Variants in FUT4 observed in about 807,000 individuals in gnomAD.
The protein encoded by FUT4 is alpha-(1,3)-fucosyltransferase 4.
A neutral mutation model predicts 3.8 loss-of-function variants in FUT4; 1 was observed. The ratio of observed to expected loss-of-function variants is 0.26; its 90% CI spans 0.09 to 1.25. The LOEUF (loss-of-function observed/expected upper bound fraction) is 1.25. Among genes scored for constraint, FUT4 ranks in the 50% most tolerant of loss-of-function variants. The probability of loss-of-function intolerance (pLI) is 0.47; values close to 1 mark genes in which losing one functional copy is unlikely to be tolerated. For synonymous variants in FUT4, 417 were observed against 355.3 expected (o/e 1.17, Z -1.95); for missense variants, 880 against 768.2 (o/e 1.15, Z -1.72).
chr11:94,543,930 C>T lies in FUT4; in HGVS notation c.-204C>T. On this transcript the variant is annotated 5_prime_UTR_variant, in exon 1 of 1. Coordinates refer to ENST00000358752, the MANE Select transcript of FUT4 (RefSeq NM_002033.4). ...GCCGACGCTATCCTCCGTTCCGCGG[C>T]GCCGGGTCCGCCTTCCGTCTGTTCT... is the stretch of plus-strand genomic sequence containing the variant. The T allele has an allele frequency of 1.5e-6, 1 of 684,608 alleles. No homozygotes were observed. 42.4% of individuals were successfully genotyped at this position (684,608 alleles called of 1,614,324 possible).
rs1947905134 is a variant in FUT4, at chr11:94,549,798, C to T, written c.*4072C>T. The T allele has an allele frequency of 6.0e-6, 1 of 166,898 alleles. No homozygotes were observed. The highest frequency in any genetic ancestry group is 1.5e-5 in the Non-Finnish European group (1 of 68,106). 10.3% of individuals were successfully genotyped at this position (166,898 alleles called of 1,614,324 possible). On this transcript the variant is annotated 3_prime_UTR_variant, in exon 1 of 1. Transcript: ENST00000358752. Reference sequence around the variant, plus strand: ...TGTCAAGTCATTTTTGAATGTGTCTCAGGGATTTCTATGCTACACATTCTT... The same window carrying T: ...TGTCAAGTCATTTTTGAATGTGTCTTAGGGATTTCTATGCTACACATTCTT...
Position 94,545,305 on chromosome 11 carries a change from CG to C in FUT4, c.1176del (p.Gln393SerfsTer164), listed in dbSNP as rs751331364. 1.9e-6 allele frequency: 3 copies of C among 1,611,820 alleles called. No homozygotes were observed. The highest frequency in any genetic ancestry group is 2.2e-5 in the South Asian group (2 of 91,062). On this transcript the variant is annotated frameshift_variant, in exon 1 of 1. Transcript: ENST00000358752. LOFTEE classifies it low-confidence loss of function (END_TRUNC). The stretch of plus-strand genomic sequence containing the variant: ...GTGGACGTGTTCGGCCGGGGCGGGC[CG>C]GGGCAGCCGGTGCCCGAAATTGGGC... ...VTVDVFGRGGPGQPVPEIGLL... is the reference protein window; with the variant it reads ...VTVDVFGRGGXGQPVPEIGLL...
rs950283409 is a variant in FUT4 at position 94,549,725 on chromosome 11, T to C, written c.*3999T>C. The stretch of plus-strand genomic sequence containing the variant: ...TCAAATATCAGGGAAAGGAGCCAAG[T>C]CCTTGGTATTTAGTTTGGTGAATAC... On this transcript the variant is annotated 3_prime_UTR_variant, in exon 1 of 1. Coordinates refer to ENST00000358752, the MANE Select transcript of FUT4 (RefSeq NM_002033.4). 1.2e-5 allele frequency: 2 copies of C among 166,806 alleles called. No homozygotes were observed. The highest frequency in any genetic ancestry group is 4.8e-5 in the African/African-American group (2 of 41,436). 10.3% of individuals were successfully genotyped at this position (166,806 alleles called of 1,614,324 possible).
Position 94,544,447 on chromosome 11 carries a change from G to C in FUT4, c.314G>C (p.Arg105Pro). 3.3e-6 allele frequency: 5 copies of C among 1,510,434 alleles called. No homozygotes were observed. The highest frequency in any genetic ancestry group is 3.5e-6 in the Non-Finnish European group (4 of 1,136,638). The allele number at this position is 1,510,434 out of a possible 1,614,324, so 93.6% of individuals were successfully genotyped here. The change falls in exon 1 of 1, where the codon CGG becomes CCG. Residue 105 changes from arginine to proline, a missense_variant. Arg to Pro is a moderately radical substitution (Grantham distance 103). Coordinates refer to ENST00000358752, the MANE Select transcript of FUT4 (RefSeq NM_002033.4). ...GAGCCGCAGCTACAGCATGAGAGCC[G>C]GTGCCGCTCCTCCACGCCTGCGGAC... is the stretch of plus-strand genomic sequence containing the variant. The part of the protein sequence containing the change: ...RLEPQLQHES[R>P]CRSSTPADAW...
Position 94,544,828 on chromosome 11 carries a change from C to T in FUT4, c.695C>T (p.Ala232Val). ...LLTDRASYGE[A>V]QAVLFHHRDL... The stretch of plus-strand genomic sequence containing the variant: ...ACCGACCGCGCGTCCTACGGAGAGG[C>T]TCAGGCCGTGCTTTTCCACCACCGC... The change falls in exon 1 of 1, where the codon GCT becomes GTT. Residue 232 changes from alanine (A) to valine (V), a missense_variant. Physicochemically the swap from Ala to Val is moderately conservative, Grantham distance 64. Around this residue, in one of 3 missense-constraint regions of FUT4, gnomAD observed 9 missense variants for 28.3 expected, o/e 0.32. Transcript: ENST00000358752. 2 of 1,603,234 alleles carry T rather than the reference C, an allele frequency of 1.2e-6. No homozygotes were observed. Among genetic ancestry groups the T allele is most frequent in the Non-Finnish European group, 1.7e-6 (2 of 1,179,290 alleles).
chr11:94,544,277 C>G lies in FUT4; in HGVS notation c.144C>G (p.Pro48=), dbSNP rs1322654824. The G allele has an allele frequency of 9.0e-6, 14 of 1,548,966 alleles. No individual in the cohort carries two copies. The highest frequency in any genetic ancestry group is 1.2e-5 in the South Asian group (1 of 84,960). The change falls in exon 1 of 1, where the codon CCC becomes CCG. Residue 48 remains proline, a synonymous_variant. Coordinates refer to ENST00000358752, the MANE Select transcript of FUT4 (RefSeq NM_002033.4). ...GRSGRKGRAV[P]GWASWPAHLA... ...GTGGAAGAAAGGGACGGGCGGTGCC[C>G]GGTTGGGCGTCCTGGCCAGCTCACC...
Position 94,544,072 on chromosome 11 carries a change from C to T in FUT4, c.-62C>T. ...GGGTTCGGGCCACAGTGAGCGAGGG[C>T]CAGGGCGGTGGGCGCGCGCAGAGGG... is the stretch of plus-strand genomic sequence containing the variant. On this transcript the variant is annotated 5_prime_UTR_variant, in exon 1 of 1. Coordinates refer to ENST00000358752, the MANE Select transcript of FUT4 (RefSeq NM_002033.4). 2 of 1,360,740 alleles carry T rather than the reference C, an allele frequency of 1.5e-6. No individual in the cohort carries two copies. The allele number at this position is 1,360,740 out of a possible 1,614,324, so 84.3% of individuals were successfully genotyped here.
Position 94,547,294 on chromosome 11 carries a change from T to C in FUT4, c.*1568T>C, listed in dbSNP as rs1388457430. The stretch of plus-strand genomic sequence containing the variant: ...TACTGTGACAGTCTTAATGATACCA[T>C]AAATCAATATTAGAAAGCTAGTTGA... On this transcript the variant is annotated 3_prime_UTR_variant, in exon 1 of 1. Transcript: ENST00000358752. 6.0e-6 allele frequency: 1 copy of C among 167,100 alleles called. No homozygotes were observed. The allele number at this position is 167,100 out of a possible 1,614,324, so 10.4% of individuals were successfully genotyped here.
At position 94,544,749 on chromosome 11, in the gene FUT4, A is replaced by C; in HGVS notation, c.616A>C (p.Arg206=). 1 of 1,565,640 alleles carries C rather than the reference A, an allele frequency of 6.4e-7. No homozygotes were observed. Among genetic ancestry groups the C allele is most frequent in the South Asian group, 1.2e-5 (1 of 86,950 alleles). Residue 206 remains arginine (R), a synonymous_variant, in exon 1 of 1, where the codon AGG becomes CGG. Transcript: ENST00000358752. ...CTTCGGGGGGCGCGATAGCGCCCCGAGGCCGCCCCCTGACTGCCGGCTGCG... is the reference window on the plus strand; with the variant it reads ...CTTCGGGGGGCGCGATAGCGCCCCGCGGCCGCCCCCTGACTGCCGGCTGCG... ...EPFGGRDSAP[R]PPPDCRLRFN...
At position 94,544,844 on chromosome 11, in the gene FUT4, C is replaced by T. The variant is rs769730686; in HGVS notation, c.711C>T (p.Phe237=). The T allele has an allele frequency of 6.2e-7, 1 of 1,606,166 alleles. No homozygotes were observed. Among genetic ancestry groups the T allele is most frequent in the Non-Finnish European group, 8.5e-7 (1 of 1,179,490 alleles). Residue 237 remains phenylalanine, a synonymous_variant, in exon 1 of 1, where the codon TTC becomes TTT. Transcript: ENST00000358752. ...ACGGAGAGGCTCAGGCCGTGCTTTTCCACCACCGCGACCTCGTGAAGGGGC... is the reference window on the plus strand; with the variant it reads ...ACGGAGAGGCTCAGGCCGTGCTTTTTCACCACCGCGACCTCGTGAAGGGGC... The part of the protein sequence containing the change: ...ASYGEAQAVL[F]HHRDLVKGPP...
rs571082307 is a variant in FUT4 at position 94,547,502 on chromosome 11, A to G, written c.*1776A>G. ...TAAAGCAAGTTTTACCTCTCTGTACATGTTTTTGCAGACATACTTGAAAAG... is the reference window on the plus strand; with the variant it reads ...TAAAGCAAGTTTTACCTCTCTGTACGTGTTTTTGCAGACATACTTGAAAAG... On this transcript the variant is annotated 3_prime_UTR_variant, in exon 1 of 1. Coordinates refer to ENST00000358752, the MANE Select transcript of FUT4 (RefSeq NM_002033.4). 169 of 166,882 alleles carry G rather than the reference A, an allele frequency of 1.0e-3. No individual in the cohort carries two copies. The highest frequency in any genetic ancestry group is 2.2e-3 in the Non-Finnish European group (150 of 68,126). 10.3% of individuals were successfully genotyped at this position (166,882 alleles called of 1,614,324 possible). A position where few individuals can be genotyped will look rare whatever the true frequency, so the allele number is the denominator to read the frequency against.
chr11:94,546,089 GC>G lies in FUT4; in HGVS notation c.*366del. ...CCATCTGCCACAGGCCATATTTGTGGCCCGTGCAGCTTCCAAATCTCATACA... is the reference window on the plus strand; with the variant it reads ...CCATCTGCCACAGGCCATATTTGTGGCCGTGCAGCTTCCAAATCTCATACA... On this transcript the variant is annotated 3_prime_UTR_variant, in exon 1 of 1. Transcript: ENST00000358752. The G allele has an allele frequency of 5.2e-6, 2 of 386,672 alleles. No homozygotes were observed. The highest frequency in any genetic ancestry group is 1.0e-5 in the Non-Finnish European group (2 of 192,224). 24.0% of individuals were successfully genotyped at this position (386,672 alleles called of 1,614,324 possible).
Position 94,544,526 on chromosome 11 carries a change from C to A in FUT4, c.393C>A (p.Gly131=). 7.7e-7 allele frequency: 1 copy of A among 1,298,888 alleles called. No homozygotes were observed. Among genetic ancestry groups the A allele is most frequent in the Non-Finnish European group, 9.7e-7 (1 of 1,032,108 alleles). The allele number at this position is 1,298,888 out of a possible 1,614,324, so 80.5% of individuals were successfully genotyped here. A position where few individuals can be genotyped will look rare whatever the true frequency, so the allele number is the denominator to read the frequency against. The part of the protein sequence containing the change: ...LPVRAMGAPW[G]SPTAAAGGRR... Reference sequence around the variant, plus strand: ...TTCGCGCCATGGGGGCACCGTGGGGCTCGCCGACGGCGGCGGCGGGCGGGC... The same window carrying A: ...TTCGCGCCATGGGGGCACCGTGGGGATCGCCGACGGCGGCGGCGGGCGGGC... The change falls in exon 1 of 1, where the codon GGC becomes GGA. Residue 131 remains glycine, a synonymous_variant. Coordinates refer to ENST00000358752, the MANE Select transcript of FUT4 (RefSeq NM_002033.4).
rs930786999 is a variant in FUT4 at position 94,549,493 on chromosome 11, C to T, written c.*3767C>T. 1.6e-4 allele frequency: 26 copies of T among 167,200 alleles called. No individual in the cohort carries two copies. Among genetic ancestry groups the T allele is most frequent in the Middle Eastern group, 3.4e-3 (1 of 296 alleles). 10.4% of individuals were successfully genotyped at this position (167,200 alleles called of 1,614,324 possible). On this transcript the variant is annotated 3_prime_UTR_variant, in exon 1 of 1. Transcript: ENST00000358752. ...CATCTGTTGGGACCTCCTAGTTCCA[C>T]GTGCTATCATTCTACTAACTGGCAC...
rs760079298 is a variant in FUT4, at chr11:94,544,943, C to T, written c.810C>T (p.Tyr270=). Reference sequence around the variant, plus strand: ...AGGTGGATCTGCGCGTGTTGGACTACGAGGAGGCAGCGGCGGCGGCAGAAG... The same window carrying T: ...AGGTGGATCTGCGCGTGTTGGACTATGAGGAGGCAGCGGCGGCGGCAGAAG... ...AEEVDLRVLD[Y]EEAAAAAEAL... is the part of the protein sequence containing the mutation. The change falls in exon 1 of 1, where the codon TAC becomes TAT. Residue 270 remains tyrosine, a synonymous_variant. Transcript: ENST00000358752. The T allele has an allele frequency of 1.9e-6, 3 of 1,606,322 alleles. No homozygotes were observed. The Admixed American group carries it at 5.1e-5, about 27-fold the overall frequency.
In FUT4 at chr11:94,549,509, T is replaced by C. The variant is rs1018849374; in HGVS notation, c.*3783T>C. The C allele has an allele frequency of 6.0e-6, 1 of 167,136 alleles. No homozygotes were observed. Among genetic ancestry groups the C allele is most frequent in the Admixed American group, 6.5e-5 (1 of 15,292 alleles). 10.4% of individuals were successfully genotyped at this position (167,136 alleles called of 1,614,324 possible). A position where few individuals can be genotyped will look rare whatever the true frequency, so the allele number is the denominator to read the frequency against. ...CTAGTTCCACGTGCTATCATTCTAC[T>C]AACTGGCACCCTAAGGTTGAAAGTG... On this transcript the variant is annotated 3_prime_UTR_variant, in exon 1 of 1. Transcript: ENST00000358752.
rs11574859 is a variant in FUT4, at chr11:94,547,394, G to A, written c.*1668G>A. On this transcript the variant is annotated 3_prime_UTR_variant, in exon 1 of 1. Transcript: ENST00000358752. ...GACCCTCAGTGACTAATTATTGTGGGTAGGGTCAAGATTAACTAGTTTTAT... is the reference window on the plus strand; with the variant it reads ...GACCCTCAGTGACTAATTATTGTGGATAGGGTCAAGATTAACTAGTTTTAT... The A allele has an allele frequency of 4.3e-4, 72 of 167,124 alleles. No individual in the cohort carries two copies. The highest frequency in any genetic ancestry group is 4.4e-4 in the Non-Finnish European group (30 of 68,114). The allele number at this position is 167,124 out of a possible 1,614,324, so 10.4% of individuals were successfully genotyped here.
chr11:94,543,953 T>G lies in FUT4; in HGVS notation c.-181T>G, dbSNP rs1947824143. ...GGCGCCGGGTCCGCCTTCCGTCTGT[T>G]CTAGGGCCTGCTCCTGCGCGGCAGC... is the stretch of plus-strand genomic sequence containing the variant. On this transcript the variant is annotated 5_prime_UTR_variant, in exon 1 of 1. Coordinates refer to ENST00000358752, the MANE Select transcript of FUT4 (RefSeq NM_002033.4). The G allele has an allele frequency of 3.5e-6, 3 of 866,580 alleles. No individual in the cohort carries two copies. Among genetic ancestry groups the G allele is most frequent in the Non-Finnish European group, 4.7e-6 (3 of 641,600 alleles). 53.7% of individuals were successfully genotyped at this position (866,580 alleles called of 1,614,324 possible). A position where few individuals can be genotyped will look rare whatever the true frequency, so the allele number is the denominator to read the frequency against.
rs956705882 is a variant in FUT4, at chr11:94,544,139, G to A, written c.6G>A (p.Arg2=). 1 of 1,386,330 alleles carries A rather than the reference G, an allele frequency of 7.2e-7. No homozygotes were observed. Among genetic ancestry groups the A allele is most frequent in the African/African-American group, 1.5e-5 (1 of 65,128 alleles). 85.9% of individuals were successfully genotyped at this position (1,386,330 alleles called of 1,614,324 possible). Residue 2 remains arginine (R), a synonymous_variant, in exon 1 of 1, where the codon AGG becomes AGA. Coordinates refer to ENST00000358752, the MANE Select transcript of FUT4 (RefSeq NM_002033.4). M[R]RLWGAARKPS... is the part of the protein sequence containing the mutation. ...GAGAGAATCAAGAGTAGCGGATGAG[G>A]CGCTTGTGGGGCGCGGCCCGGAAGC... is the stretch of plus-strand genomic sequence containing the variant.
Sources: gnomAD v4.1 joint callset for allele counts on GRCh38, gnomAD v4.1.1 for gene constraint, gnomAD v4.1.1 regional missense constraint, MANE v1.5 for transcripts, NCBI Gene and HGNC (gene_info 2026-07-23, HGNC 2026-07-21) for gene names.